The following SNAPC4 variants were observed in gnomAD, a reference collection of about 807,000 sequenced individuals.
The protein encoded by SNAPC4 is small nuclear RNA activating complex polypeptide 4.
Under a neutral mutation model 151.3 loss-of-function variants are expected in SNAPC4, and 127 were observed. The ratio of observed to expected loss-of-function variants is 0.84; its 90% confidence interval spans 0.73 to 0.97. The LOEUF (loss-of-function observed/expected upper bound fraction) is 0.97, where lower values mean the gene tolerates loss of function less well. Ranked by LOEUF, SNAPC4 falls within the 50% of genes least tolerant of loss-of-function variation. SNAPC4 has a pLI of 0.00. For synonymous variants in SNAPC4, 1,002 were observed against 824.4 expected, an observed-to-expected ratio of 1.22 and a Z score of -3.69; for missense variants, 2,186 against 1,935.0, an observed-to-expected ratio of 1.13 and a Z score of -2.43.
chr9:136,392,169 T>G, intron 9 of SNAPC4, 63 bp from the exon 10 acceptor site: 5 of 1,592,382 alleles, frequency 3.1e-6, no homozygotes, highest in Non-Finnish European at 4.3e-6. Context: ...TAGACGCAGC[T>G]CCAGGCTGAG....
intron 10 of SNAPC4, 30 bp from the exon 11 acceptor site, chr9:136,388,621 T>A (rs776614310): frequency 5.6e-6 from 9 of 1,613,052 alleles, no homozygotes; most frequent in Middle Eastern, 1.6e-4. Context: ...AGCAAATGAG[T>A]GTTACTGCGC....
chr9:136,388,267 C>CA (rs35543525), intron 11 of SNAPC4, among the ~76,000 whole-genome samples, 177 bp downstream of exon 11: 39,693 of 108,636 alleles, frequency 0.37, 6,515 homozygotes, highest in Non-Finnish European at 0.39. Context: ...AACTCCATCT[C>CA]AAAAAAAAAA....
Position 136,392,122 on chromosome 9 carries a change from C to T in SNAPC4, c.811-16G>A. ...TGCCTTCAAACTGCACCGACAGAGA[C>T]ACTCAGCCTTGCAGGCCACTGACCC... On this transcript the variant is annotated splice_polypyrimidine_tract_variant and intron_variant, in intron 9 of 23. Transcript: ENST00000684778. 6.2e-7 allele frequency: 1 copy of T among 1,610,810 alleles called. No individual in the cohort carries two copies.
chr9:136,398,325 G>A lies in SNAPC4; in HGVS notation c.104C>T (p.Ser35Leu), dbSNP rs1327395837. The stretch of plus-strand genomic sequence containing the variant: ...TGCTTCAGAATCTGACTCGAGACTT[G>A]ATTCTGAGATCTCCACGTGGGAGCC... ...SSGSHVEISE[S>L]SLESDSEADS... is the part of the protein sequence containing the mutation. The change falls in exon 2 of 24, where the codon TCA (serine) becomes TTA (leucine). Residue 35 changes from serine to leucine, a missense_variant. Physicochemically the swap from Ser to Leu is moderately radical, Grantham distance 145. Coordinates refer to ENST00000684778, the MANE Select transcript of SNAPC4 (RefSeq NM_003086.4). The A allele has an allele frequency of 6.2e-7, 1 of 1,612,490 alleles. No individual in the cohort carries two copies. The highest frequency in any genetic ancestry group is 8.5e-7 in the Non-Finnish European group (1 of 1,179,308).
At chr9:136,399,234 C>T (rs893704549) in intron 1 of SNAPC4, among the ~76,000 whole-genome samples, 6 of 152,246 alleles carry the variant, frequency 3.9e-5, no homozygotes, top group Admixed American at 3.3e-4. Flanking sequence ...GCGTGGCTCT[C>T]CCTGCTGGAG....
chr9:136,394,903 C>A (rs768012509), intron 5 of SNAPC4, 25 bp from the exon 6 acceptor site: 14 of 1,606,362 alleles, frequency 8.7e-6, no homozygotes, highest in Non-Finnish European at 1.2e-5. Context: ...GGCATCACCA[C>A]AAGCACAGGC....
At chr9:136,386,440 T>C (rs1487300134) in intron 13 of SNAPC4, among the ~76,000 whole-genome samples, 3 of 151,444 alleles carry the variant, frequency 2.0e-5, no homozygotes, top group East Asian at 3.9e-4. Flanking sequence ...CTTCATTTTT[T>C]TTTTTTTTTT....
chr9:136,383,302 C>T lies in SNAPC4; in HGVS notation c.1867G>A (p.Glu623Lys). Residue 623 changes from glutamate (E) to lysine (K), a missense_variant, in exon 16 of 24, where the codon GAG becomes AAG. Coordinates refer to ENST00000684778, the MANE Select transcript of SNAPC4 (RefSeq NM_003086.4). This position sits in a 1 kb window ranked among gnomAD's most constrained non-coding sequence, Gnocchi z 4.2. ...EASTTAAAPG[E>K]ETSPVQVPAR... ...GGGACCTGCACCGGACTCGTCTCCT[C>T]TCCAGGAGCCGCGGCTGTGGTGGAA... 6.2e-7 allele frequency: 1 copy of T among 1,612,102 alleles called. No homozygotes were observed. Among genetic ancestry groups the T allele is most frequent in the Non-Finnish European group, 8.5e-7 (1 of 1,179,706 alleles).
At chr9:136,392,922 T>A (rs111758761) in intron 7 of SNAPC4, 145 bp from the exon 8 acceptor site, 5 of 677,196 alleles carry the variant, frequency 7.4e-6, no homozygotes, top group Non-Finnish European at 1.3e-5. Context: ...TCCTCACCCA[T>A]GAGGGAAGCT....
intron 14 of SNAPC4, among the ~76,000 whole-genome samples, chr9:136,384,391 G>A (rs577082468): frequency 5.9e-5 from 9 of 152,344 alleles, no homozygotes; most frequent in African/African-American, 2.2e-4. Flanking sequence ...CTCTCACAGG[G>A]CAGAGCCACA....
chr9:136,397,627 T>TGGGGAGCACGTAGGGA (rs1564397285), intron 2 of SNAPC4, among the ~76,000 whole-genome samples: 28 of 32,242 alleles, frequency 8.7e-4, no homozygotes, highest in Non-Finnish European at 1.3e-3. Context: ...GCACGTGGGG[T>TGGGGAGCACGTAGGGA]GGGGAGCACG....
intron 13 of SNAPC4, 107 bp downstream of exon 13, chr9:136,387,367 GGCCCCTCCCTC>G (rs1833923820): frequency 1.3e-6 from 1 of 776,592 alleles, no homozygotes; most frequent in Non-Finnish European, 2.3e-6. Context: ...GACCCACACG[GGCCCCTCCCTC>G]GCCCAGCGCT....
rs372522755 is a variant in SNAPC4 at position 136,380,866 on chromosome 9, G to T, written c.2389-16C>A. 6.1e-6 allele frequency: 9 copies of T among 1,479,188 alleles called. No individual in the cohort carries two copies. The Admixed American group carries it at 1.5e-4, about 25-fold the overall frequency. The allele number at this position is 1,479,188 out of a possible 1,614,324, so 91.6% of individuals were successfully genotyped here. ...TGTGGAACAGCTGCGGGACACAGGA[G>T]GCAACCTAACCATAGCTGCTTTCGG... On this transcript the variant is annotated splice_polypyrimidine_tract_variant and intron_variant, in intron 19 of 23. Coordinates refer to ENST00000684778, the MANE Select transcript of SNAPC4 (RefSeq NM_003086.4).
At chr9:136,386,434 ATTTTT>A (rs1022722686) in intron 13 of SNAPC4, among the ~76,000 whole-genome samples, 1 of 128,914 alleles carries the variant, frequency 7.8e-6, no homozygotes, top group Non-Finnish European at 1.7e-5. Context: ...TCTACACTTC[ATTTTT>A]TTTTTTTTTT....
At chr9:136,381,717 C>G (rs973569007) in intron 18 of SNAPC4, 107 bp downstream of exon 18, 17 of 1,413,896 alleles carry the variant, frequency 1.2e-5, no homozygotes. Context: ...AAAAAGACTC[C>G]CCTGCTGAGG....
chr9:136,379,052 C>T lies in SNAPC4; in HGVS notation c.2775G>A (p.Ser925=), dbSNP rs1383109781. 6.9e-6 allele frequency: 11 copies of T among 1,590,086 alleles called. No individual in the cohort carries two copies. Among genetic ancestry groups the T allele is most frequent in the South Asian group, 1.1e-5 (1 of 87,614 alleles). Residue 925 remains serine, a synonymous_variant, in exon 22 of 24, where the codon TCG becomes TCA. Coordinates refer to ENST00000684778, the MANE Select transcript of SNAPC4 (RefSeq NM_003086.4). ...VVLPSQLLVS[S]SVILQPPLPH... is the part of the protein sequence containing the mutation. ...GTAGAGGGGGCTGGAGGATCACAGACGAGGAGACCAGCAGCTGGGACGGGA... is the reference window on the plus strand; with the variant it reads ...GTAGAGGGGGCTGGAGGATCACAGATGAGGAGACCAGCAGCTGGGACGGGA...
Position 136,391,963 on chromosome 9 carries a change from C to G in SNAPC4, c.954G>C (p.Gln318His). 1 of 1,605,098 alleles carries G rather than the reference C, an allele frequency of 6.2e-7. No individual in the cohort carries two copies. The highest frequency in any genetic ancestry group is 8.5e-7 in the Non-Finnish European group (1 of 1,179,966). The change falls in exon 10 of 24, where the codon CAG becomes CAC. Residue 318 changes from glutamine (Q) to histidine (H), a missense_variant. Gln to His is a conservative substitution (Grantham distance 24, BLOSUM62 0). Coordinates refer to ENST00000684778, the MANE Select transcript of SNAPC4 (RefSeq NM_003086.4). ...IAAAHGHLEW[Q>H]KIAEELGTSR... ...TTACCCCCAGCTCCTCTGCAATCTT[C>G]TGCCACTCCAGGTGGCCGTGTGCAG...
intron 7 of SNAPC4, among the ~76,000 whole-genome samples, chr9:136,393,545 T>C (rs1054835972): frequency 6.6e-6 from 1 of 152,186 alleles, no homozygotes; most frequent in Non-Finnish European, 1.5e-5. Flanking sequence ...GGTCACGTGA[T>C]TATCACCCCA....
chr9:136,382,122 G>C (rs756339629), intron 17 of SNAPC4, 49 bp from the exon 18 acceptor site: 1 of 1,562,098 alleles, frequency 6.4e-7, no homozygotes, highest in Non-Finnish European at 8.7e-7. Context: ...CTCGGCCCCC[G>C]GAGTGGACCC....
Sources: allele counts gnomAD v4.1 joint callset (sites outside exome capture counted in the v4.1 genomes callset), GRCh38; gene constraint gnomAD v4.1.1; non-coding constraint Gnocchi (gnomAD v3.1); transcripts MANE v1.5; gene names NCBI Gene and HGNC (gene_info 2026-07-23, HGNC 2026-07-21).